ZNF516: variants seen among roughly 807,000 people sequenced by gnomAD.
ZNF516 encodes the protein zinc finger protein 516.
In ZNF516, 19 loss-of-function variants were observed where a neutral mutation model predicts 79.7. The ratio of observed to expected loss-of-function variants is 0.24; its 90% CI spans 0.17 to 0.35. The LOEUF is 0.35. Ranked by LOEUF, ZNF516 falls within the 10% of genes least tolerant of loss-of-function variation. The pLI is 1.00. For missense variants in ZNF516, 1,678 were observed against 1,679.5 expected (o/e 1.00, Z 0.02); for synonymous variants, 877 against 739.5 (o/e 1.19, Z -3.02).
intron 1 of ZNF516, among the ~76,000 whole-genome samples, chr18:76,476,533 G>A (rs946321674): frequency 1.3e-4 from 20 of 152,180 alleles, no homozygotes; most frequent in Admixed American, 7.9e-4. Context: ...CTTAGCTACT[G>A]GAATTCCTCT....
chr18:76,403,400 G>T (rs1334755276), intron 3 of ZNF516, among the ~76,000 whole-genome samples: 1 of 152,166 alleles, frequency 6.6e-6, no homozygotes, highest in African/African-American at 2.4e-5. Flanking sequence ...TGCATTCATG[G>T]ACATACATAC....
At chr18:76,484,689 A>C (rs1389064025) in intron 1 of ZNF516, among the ~76,000 whole-genome samples, 2 of 152,196 alleles carry the variant, frequency 1.3e-5, no homozygotes, top group African/African-American at 4.8e-5. Context: ...CTAAGCAAAA[A>C]ACCTGGTTTG....
chr18:76,481,596 G>T (rs1396327821), intron 1 of ZNF516, among the ~76,000 whole-genome samples: 1 of 152,220 alleles, frequency 6.6e-6, no homozygotes, highest in Non-Finnish European at 1.5e-5. Flanking sequence ...CACCTGTGCA[G>T]GCCTCAGTGT....
At chr18:76,417,637 G>A (rs1216482571) in intron 3 of ZNF516, among the ~76,000 whole-genome samples, 2 of 152,094 alleles carry the variant, frequency 1.3e-5, no homozygotes, top group African/African-American at 2.4e-5. Flanking sequence ...AACTTCAAAG[G>A]ATTTTTCTCC....
chr18:76,436,535 G>A (rs944280690), intron 3 of ZNF516, among the ~76,000 whole-genome samples: 1 of 152,140 alleles, frequency 6.6e-6, no homozygotes, highest in Non-Finnish European at 1.5e-5. Context: ...CCAGGACACC[G>A]CTGAGTCCCC....
rs559407488 is a variant in ZNF516 at position 76,407,932 on chromosome 18, C to T, written c.1811-27629G>A. Among the ~76,000 whole-genome samples, 3 of 152,374 alleles carry T rather than the reference C, an allele frequency of 2.0e-5. No individual in the cohort carries two copies. The East Asian group carries it at 5.8e-4, about 29-fold the overall frequency. Reference sequence around the variant, plus strand: ...GATGTGTCTGAGGGTCCCCGGTCCACAGGCTGGCCCACTGCCGGCTTCCCA... The same window carrying T: ...GATGTGTCTGAGGGTCCCCGGTCCATAGGCTGGCCCACTGCCGGCTTCCCA... On this transcript the variant is annotated intron_variant, in intron 3 of 6. Transcript: ENST00000443185.
intron 3 of ZNF516, among the ~76,000 whole-genome samples, chr18:76,401,622 T>A (rs1183181235): frequency 6.6e-6 from 1 of 151,606 alleles, no homozygotes; most frequent in South Asian, 2.1e-4. Flanking sequence ...TGGGCCCCTA[T>A]GTGGCCCCTG....
intron 3 of ZNF516, among the ~76,000 whole-genome samples, chr18:76,428,682 A>T (rs1160824878): frequency 2.0e-5 from 3 of 152,142 alleles, no homozygotes; most frequent in Non-Finnish European, 2.9e-5. Context: ...CAAGAAAAAA[A>T]TCTACACATA....
rs138210880 is a variant in ZNF516 at position 76,417,369 on chromosome 18, T to C, written c.1810+23876A>G. On this transcript the variant is annotated intron_variant, in intron 3 of 6. Coordinates refer to ENST00000443185, the MANE Select transcript of ZNF516 (RefSeq NM_014643.4). ...AGCTGTAAGAACACCGCCAGGAATC[T>C]TGAGAAACTTTTAAAATCTCAAAAG... Among the ~76,000 whole-genome samples, 3 of 152,350 alleles carry C rather than the reference T, an allele frequency of 2.0e-5. No homozygotes were observed. In the East Asian group the frequency reaches 5.8e-4, roughly 29 times the overall value.
intron 1 of ZNF516, among the ~76,000 whole-genome samples, chr18:76,478,637 AAAAGCAGAAAAACTTTTTCTAGC>A (rs1229745644): frequency 6.6e-6 from 1 of 152,250 alleles, no homozygotes; most frequent in Non-Finnish European, 1.5e-5. Context: ...CCAAAACTTC[AAAAGCAGAAAAACTTTTTCTAGC>A]AAAGCAGAAA....
At chr18:76,458,653 C>G (rs1252879945) in intron 2 of ZNF516, among the ~76,000 whole-genome samples, 1 of 127,006 alleles carries the variant, frequency 7.9e-6, no homozygotes, top group South Asian at 2.4e-4. Flanking sequence ...CACCGTCGTG[C>G]GTGTGCGTGC....
chr18:76,439,858 TTATAAA>T (rs1228166064), intron 3 of ZNF516, among the ~76,000 whole-genome samples: 2 of 152,080 alleles, frequency 1.3e-5, no homozygotes, highest in Non-Finnish European at 2.9e-5. Context: ...AAATCTGTAT[TTATAAA>T]AATAAAAAAA....
intron 3 of ZNF516, among the ~76,000 whole-genome samples, chr18:76,420,967 C>T (rs775627949): frequency 4.6e-5 from 7 of 151,986 alleles, no homozygotes; most frequent in Non-Finnish European, 8.8e-5. Flanking sequence ...TTGGTGGTGC[C>T]CAAAAGGAGA....
At chr18:76,388,056 C>G (rs1318271262) in intron 3 of ZNF516, 2 of 152,306 alleles carry the variant, frequency 1.3e-5, no homozygotes, top group Admixed American at 1.3e-4. Context: ...TGCGGACAGT[C>G]AGAGAGGAGG....
At chr18:76,410,885 C>T (rs1384679932) in intron 3 of ZNF516, among the ~76,000 whole-genome samples, 3 of 152,194 alleles carry the variant, frequency 2.0e-5, no homozygotes, top group Non-Finnish European at 4.4e-5. Flanking sequence ...AAAGAGCAAA[C>T]ACCTACACAC....
intron 1 of ZNF516, among the ~76,000 whole-genome samples, chr18:76,482,907 T>C (rs1273928123): frequency 1.3e-5 from 2 of 152,224 alleles, no homozygotes; most frequent in East Asian, 3.8e-4. Flanking sequence ...TCTTCATTTA[T>C]ATTGGTCCTA....
chr18:76,431,017 C>G (rs551367060), intron 3 of ZNF516, among the ~76,000 whole-genome samples: 47 of 152,238 alleles, frequency 3.1e-4, no homozygotes, highest in African/African-American at 1.1e-3. Flanking sequence ...GACAAATATC[C>G]CTAGCTTTTT....
chr18:76,495,059 G>T (rs890892425), intron 1 of ZNF516, 85 bp downstream of exon 1: 1 of 144,446 alleles, frequency 6.9e-6, no homozygotes, highest in African/African-American at 2.5e-5. Flanking sequence ...ACCAGAGTAC[G>T]GGGCACGTCG....
intron 2 of ZNF516, among the ~76,000 whole-genome samples, chr18:76,456,315 A>AT (rs1406505114): frequency 6.6e-6 from 1 of 152,256 alleles, no homozygotes; most frequent in Non-Finnish European, 1.5e-5. Context: ...ATGACTAAGA[A>AT]TTGGAGGCAA....
Sources: allele counts gnomAD v4.1 joint callset (sites outside exome capture counted in the v4.1 genomes callset), GRCh38; gene constraint gnomAD v4.1.1; transcripts MANE v1.5; gene names NCBI Gene and HGNC (gene_info 2026-07-23, HGNC 2026-07-21).